The following RABGAP1L variants were observed in gnomAD, a reference collection of about 807,000 sequenced individuals.
The protein encoded by RABGAP1L is rab GTPase-activating protein 1-like.
In RABGAP1L, 63 loss-of-function variants were observed where a neutral mutation model predicts 137.7. The ratio of observed to expected loss-of-function variants is 0.46; its 90% CI spans 0.37 to 0.56. The LOEUF is 0.56. Among genes scored for constraint, RABGAP1L ranks in the 20% least tolerant of loss-of-function variants. RABGAP1L has a pLI of 0.00. For missense variants in RABGAP1L, 1,095 were observed against 1,244.0 expected, an observed-to-expected ratio of 0.88 and a Z score of 1.80; for synonymous variants, 431 against 433.7, an observed-to-expected ratio of 0.99 and a Z score of 0.08.
At chr1:174,971,498 C>T (rs1469726417) in intron 21 of RABGAP1L, among the ~76,000 whole-genome samples, 1 of 152,168 alleles carries the variant, frequency 6.6e-6, no homozygotes, top group South Asian at 2.1e-4. Context: ...CTTCTCTCTT[C>T]CCTCCTTGAC....
intron 20 of RABGAP1L, among the ~76,000 whole-genome samples, chr1:174,967,111 T>A (rs540176968): frequency 6.6e-6 from 1 of 151,766 alleles, no homozygotes; most frequent in Non-Finnish European, 1.5e-5. Flanking sequence ...GGGGTTTTTT[T>A]CCCCCCTACA....
At chr1:174,406,128 TTTTCTTG>T in intron 13 of RABGAP1L, among the ~76,000 whole-genome samples, 1 of 152,202 alleles carries the variant, frequency 6.6e-6, no homozygotes, top group Admixed American at 6.5e-5. Flanking sequence ...TTAAATCAAA[TTTTCTTG>T]ATCCCCATCC....
intron 17 of RABGAP1L, 35 bp from the exon 18 acceptor site, chr1:174,752,278 G>C: frequency 6.9e-7 from 1 of 1,457,512 alleles, no homozygotes; most frequent in Non-Finnish European, 9.4e-7. Context: ...GATACATGTG[G>C]CAGTACTAAT....
intron 19 of RABGAP1L, among the ~76,000 whole-genome samples, chr1:174,834,285 G>T (rs555237869): frequency 6.6e-6 from 1 of 152,018 alleles, no homozygotes; most frequent in African/African-American, 2.4e-5. Flanking sequence ...AATTAGCAGG[G>T]TGTGGTGGCA....
chr1:174,337,081 C>CA (rs940405313), intron 11 of RABGAP1L, among the ~76,000 whole-genome samples: 15 of 151,098 alleles, frequency 9.9e-5, no homozygotes, highest in South Asian at 2.1e-4. Context: ...AACAGATTAC[C>CA]AAAAAAAATT....
intron 19 of RABGAP1L, among the ~76,000 whole-genome samples, chr1:174,902,037 G>A (rs953935567): frequency 5.9e-5 from 9 of 152,160 alleles, no homozygotes; most frequent in African/African-American, 2.2e-4. Flanking sequence ...AAAAGCAAAG[G>A]TGGCAGCTAG....
Position 174,418,953 on chromosome 1 carries a change from G to T in RABGAP1L, c.1710+24808G>T, listed in dbSNP as rs145021352. Among the ~76,000 whole-genome samples the T allele has an allele frequency of 1.3e-3, 195 of 152,112 alleles. 1 individual carries two copies. Among genetic ancestry groups the T allele is most frequent in the African/African-American group, 4.4e-3 (181 of 41,488 alleles). ...CTCAGGAGGCTGAGGCAGGAGAATC[G>T]CTTGAACCTAGGAGGTGGAGGTTGC... On this transcript the variant is annotated intron_variant, in intron 13 of 25. Coordinates refer to ENST00000681986, the MANE Select transcript of RABGAP1L (RefSeq NM_001366446.1).
intron 13 of RABGAP1L, among the ~76,000 whole-genome samples, chr1:174,561,337 C>T (rs1218980286): frequency 6.6e-6 from 1 of 152,140 alleles, no homozygotes. Context: ...AACTAGAAAC[C>T]ACTGCTCAAG....
chr1:174,220,003 A>T (rs1344128922), intron 2 of RABGAP1L, among the ~76,000 whole-genome samples: 1 of 152,206 alleles, frequency 6.6e-6, no homozygotes, highest in Non-Finnish European at 1.5e-5. Context: ...TGAAAATGAG[A>T]TTACTAAATG....
chr1:174,538,740 C>T (rs746450868), intron 13 of RABGAP1L, among the ~76,000 whole-genome samples: 1 of 152,120 alleles, frequency 6.6e-6, no homozygotes, highest in Non-Finnish European at 1.5e-5. Flanking sequence ...AGAATTTCAC[C>T]TCTGACATAT....
chr1:174,945,230 A>G (rs1236743029), intron 19 of RABGAP1L, among the ~76,000 whole-genome samples: 3 of 152,212 alleles, frequency 2.0e-5, no homozygotes, highest in Non-Finnish European at 4.4e-5. Context: ...TTCAACATGT[A>G]ACCAGATTTA....
chr1:174,605,692 A>G lies in RABGAP1L; in HGVS notation c.1711-31683A>G, dbSNP rs1239552012. On this transcript the variant is annotated intron_variant, in intron 13 of 25. Transcript: ENST00000681986. ...TAGTCAGATCTATATAAGCTGAACC[A>G]ATTGAGATGTCTGTGGTGTTGGCTT... Among the ~76,000 whole-genome samples the G allele has an allele frequency of 3.3e-5, 5 of 152,180 alleles. No individual in the cohort carries two copies. In the East Asian group the frequency reaches 9.6e-4, roughly 29 times the overall value.
At chr1:174,633,082 G>A (rs1447323732) in intron 13 of RABGAP1L, among the ~76,000 whole-genome samples, 1 of 151,962 alleles carries the variant, frequency 6.6e-6, no homozygotes, top group Non-Finnish European at 1.5e-5. Flanking sequence ...AGGAAAAGAG[G>A]AAGTCAAATT....
chr1:174,186,211 T>A (rs1005419970), intron 1 of RABGAP1L, among the ~76,000 whole-genome samples: 1 of 152,168 alleles, frequency 6.6e-6, no homozygotes, highest in Non-Finnish European at 1.5e-5. Context: ...TGTTGACTTC[T>A]AGTGCTTTTT....
chr1:174,400,600 T>G (rs74128381), intron 13 of RABGAP1L, among the ~76,000 whole-genome samples: 1,597 of 152,320 alleles, frequency 0.01, 25 homozygotes, highest in African/African-American at 0.035. Flanking sequence ...CTTTTAAGTA[T>G]GAAGCAATGT....
intron 13 of RABGAP1L, among the ~76,000 whole-genome samples, chr1:174,467,980 A>G (rs1469089184): frequency 2.6e-5 from 4 of 152,154 alleles, no homozygotes; most frequent in South Asian, 2.1e-4. Flanking sequence ...TAGAAATATT[A>G]TAAAATCGTG....
intron 19 of RABGAP1L, among the ~76,000 whole-genome samples, chr1:174,948,387 T>G (rs1667201651): frequency 1.3e-5 from 2 of 150,738 alleles, no homozygotes; most frequent in Non-Finnish European, 2.9e-5. Context: ...CCAGGTATGG[T>G]GGCGGGTGCT....
chr1:174,532,308 G>A (rs545346033), intron 13 of RABGAP1L, among the ~76,000 whole-genome samples: 5 of 151,596 alleles, frequency 3.3e-5, no homozygotes, highest in Admixed American at 1.3e-4. Flanking sequence ...TCCCGGGTTC[G>A]AGCAAGTCTC....
intron 18 of RABGAP1L, among the ~76,000 whole-genome samples, chr1:174,755,227 A>G (rs963538037): frequency 1.3e-5 from 2 of 152,218 alleles, no homozygotes; most frequent in African/African-American, 4.8e-5. Context: ...GTAATAGCCT[A>G]TCAGGTAGCT....
Sources: gnomAD v4.1 joint callset for allele counts (sites outside exome capture counted in the v4.1 genomes callset) on GRCh38, gnomAD v4.1.1 for gene constraint, MANE v1.5 for transcripts, NCBI Gene and HGNC (gene_info 2026-07-23, HGNC 2026-07-21) for gene names.